DMD: variants seen among roughly 807,000 people sequenced by gnomAD.
DMD encodes the protein mutant dystrophin.
A neutral mutation model predicts 330.1 loss-of-function variants in DMD; 63 were observed. The ratio of observed to expected loss-of-function variants is 0.19; its 90% CI spans 0.16 to 0.24. The LOEUF (loss-of-function observed/expected upper bound fraction) is 0.24, where lower values mean the gene tolerates loss of function less well. DMD is among the 10% of genes least tolerant of loss of function. DMD has a pLI of 1.00. For synonymous variants in DMD, 1,223 were observed against 959.8 expected, an observed-to-expected ratio of 1.27 and a Z score of -5.07; for missense variants, 3,344 against 2,684.1, an observed-to-expected ratio of 1.25 and a Z score of -5.43.
chrX:32,414,185 G>A (rs1360902707), intron 29 of DMD, among the ~76,000 whole-genome samples: 1 of 110,979 alleles, frequency 9.0e-6, no homozygotes, highest in African/African-American at 3.3e-5. Flanking sequence ...CCTTTTACTG[G>A]CATAATCTCA....
At chrX:32,531,279 T>A (rs1228549339) in intron 17 of DMD, among the ~76,000 whole-genome samples, 3 of 111,554 alleles carry the variant, frequency 2.7e-5, no homozygotes, top group African/African-American at 9.8e-5. Context: ...ATGTCCACAG[T>A]TTGGAGAGTC....
chrX:31,838,918 C>T (rs187371518), intron 48 of DMD, among the ~76,000 whole-genome samples: 45 of 111,825 alleles, frequency 4.0e-4, no homozygotes, highest in Non-Finnish European at 7.0e-4. Context: ...TCATATCTTA[C>T]AACAACTTAA....
intron 13 of DMD, among the ~76,000 whole-genome samples, 183 bp from the exon 14 acceptor site, chrX:32,574,029 A>T (rs1320958384): frequency 8.9e-6 from 1 of 112,260 alleles, no homozygotes; most frequent in Non-Finnish European, 1.9e-5. Context: ...TCTTTATCTC[A>T]CCAAGTCTTG....
intron 61 of DMD, among the ~76,000 whole-genome samples, chrX:31,337,145 C>T (rs1471689176): frequency 9.1e-6 from 1 of 109,362 alleles, no homozygotes; most frequent in East Asian, 2.9e-4. Flanking sequence ...GGTTGGTCTC[C>T]AACTCCTGAC....
At chrX:32,635,382 T>G (rs1424213458) in intron 11 of DMD, among the ~76,000 whole-genome samples, 1 of 111,823 alleles carries the variant, frequency 8.9e-6, no homozygotes, top group Non-Finnish European at 1.9e-5. Context: ...TTGATGTTCC[T>G]GCAACAGGGA....
intron 48 of DMD, 152 bp downstream of exon 48, chrX:31,875,036 G>T (rs1355348888): frequency 9.8e-6 from 5 of 509,161 alleles, no homozygotes; most frequent in Non-Finnish European, 1.6e-5. Flanking sequence ...AGTGGTCCCT[G>T]TGCCTATTGT....
At chrX:32,022,058 T>C (rs2095809915) in intron 44 of DMD, among the ~76,000 whole-genome samples, 2 of 112,097 alleles carry the variant, frequency 1.8e-5, no homozygotes, top group Admixed American at 1.9e-4. Flanking sequence ...TCATTTTTTT[T>C]AAAGTAGTAG....
intron 2 of DMD, among the ~76,000 whole-genome samples, chrX:32,948,606 C>A (rs185025306): frequency 8.6e-4 from 96 of 111,977 alleles, no homozygotes; most frequent in African/African-American, 3.1e-3. Context: ...AATGCATCTG[C>A]GGTGAACTTT....
rs536834242 is a variant in DMD at position 33,239,983 on chromosome X, A to G, written c.7+99276T>C. On this transcript the variant is annotated intron_variant, in intron 1 of 17. Coordinates refer to the DMD transcript ENST00000288447. The stretch of plus-strand genomic sequence containing the variant: ...TTACGTGTATAAAGTGCAGGAAAAC[A>G]TAAGTGAATTTGTGTTTAGTCTTGG... Among the ~76,000 whole-genome samples, 309 of 111,502 alleles carry G rather than the reference A, an allele frequency of 2.8e-3. 2 individuals are homozygous for G. Among genetic ancestry groups the G allele is most frequent in the African/African-American group, 9.6e-3 (296 of 30,684 alleles).
At chrX:32,949,334 GTAGGTAGGTAGATAGA>G (rs1351423121) in intron 2 of DMD, among the ~76,000 whole-genome samples, 1 of 80,656 alleles carries the variant, frequency 1.2e-5, no homozygotes, top group African/African-American at 4.9e-5. Flanking sequence ...AGATAGGTAG[GTAGGTAGGTAGATAGA>G]TAGATAGATA....
intron 72 of DMD, 149 bp downstream of exon 72, chrX:31,173,390 A>C: frequency 1.7e-6 from 1 of 576,793 alleles, no homozygotes; most frequent in Non-Finnish European, 2.9e-6. Flanking sequence ...ATGCAGTGGA[A>C]CGGCATGCAC....
intron 44 of DMD, among the ~76,000 whole-genome samples, chrX:32,175,184 T>A (rs1333115427): frequency 9.0e-6 from 1 of 111,475 alleles, no homozygotes; most frequent in Non-Finnish European, 1.9e-5. Context: ...TGAGGCCAGC[T>A]GGACTTTCTG....
At chrX:32,853,630 A>G (rs924801239) in intron 2 of DMD, among the ~76,000 whole-genome samples, 34 of 110,467 alleles carry the variant, frequency 3.1e-4, no homozygotes, top group African/African-American at 9.8e-4. Context: ...CCACTAGAGA[A>G]AAATCGCCTT....
In DMD at chrX:31,647,644, G is replaced by T. The variant is rs377076779; in HGVS notation, c.8027+10346C>A. Among the ~76,000 whole-genome samples, 3 of 111,739 alleles carry T rather than the reference G, an allele frequency of 2.7e-5. 1 individual carries two copies. In the East Asian group the frequency reaches 8.4e-4, roughly 31 times the overall value. On this transcript the variant is annotated intron_variant, in intron 54 of 78. Transcript: ENST00000357033. ...CTTCACTAGGACATTTAAAATACTG[G>T]CAATATAAAAGAAAAAGGCAATCCA...
chrX:31,400,860 C>T (rs1366156468), intron 60 of DMD, among the ~76,000 whole-genome samples: 3 of 111,626 alleles, frequency 2.7e-5, no homozygotes, highest in Admixed American at 9.6e-5. Flanking sequence ...AGAGAAGATA[C>T]GAAAATTGAC....
At chrX:31,829,464 T>TAAAA (rs1292420127) in intron 49 of DMD, among the ~76,000 whole-genome samples, 11 of 104,546 alleles carry the variant, frequency 1.1e-4, no homozygotes, top group African/African-American at 1.7e-4. Context: ...AAAAAAAAAT[T>TAAAA]TTTTAATTAA....
chrX:32,331,492 T>C lies in DMD; in HGVS notation c.5922+10608A>G, dbSNP rs12688397. On this transcript the variant is annotated intron_variant, in intron 41 of 78. Coordinates refer to ENST00000357033, the MANE Select transcript of DMD (RefSeq NM_004006.3). ...ATATCCAATATTTCTGAAAAATATA[T>C]TAATCATAGATTTTGCAGTCAATAT... Among the ~76,000 whole-genome samples the C allele has an allele frequency of 3.3e-3, 374 of 111,885 alleles. 13 individuals are homozygous for C. In the East Asian group the frequency reaches 0.09, roughly 27 times the overall value.
chrX:31,335,376 T>A (rs1404701309), intron 61 of DMD, among the ~76,000 whole-genome samples: 1 of 112,610 alleles, frequency 8.9e-6, no homozygotes, highest in Admixed American at 9.4e-5. Flanking sequence ...AATCAAGGCA[T>A]ATCCTGCATC....
chrX:32,567,173 CAG>C (rs1246321776), intron 15 of DMD, among the ~76,000 whole-genome samples: 1 of 111,812 alleles, frequency 8.9e-6, no homozygotes, highest in Non-Finnish European at 1.9e-5. Flanking sequence ...GTCTTTTACT[CAG>C]AATCTGCTTC....
Sources: allele counts gnomAD v4.1 joint callset (sites outside exome capture counted in the v4.1 genomes callset), GRCh38; gene constraint gnomAD v4.1.1; transcripts MANE v1.5; gene names NCBI Gene and HGNC (gene_info 2026-07-23, HGNC 2026-07-21).